KSR1: variants seen among roughly 807,000 people sequenced by gnomAD.
KSR1 encodes the protein kinase suppressor of ras.
KSR1 carries 35 observed loss-of-function variants against 92.9 expected under a neutral mutation model. That is an observed-to-expected ratio of 0.38 (90% CI 0.29 to 0.50). The LOEUF is 0.50. KSR1 is among the 20% of genes least tolerant of loss of function. The pLI, the probability that KSR1 is intolerant of heterozygous loss-of-function variation, is 0.94. For missense variants in KSR1, 972 were observed against 1,158.5 expected (o/e 0.84, Z 2.34); for synonymous variants, 467 against 472.6 (o/e 0.99, Z 0.15).
At chr17:27,488,294 T>C (rs1396896373) in intron 1 of KSR1, among the ~76,000 whole-genome samples, 1 of 152,248 alleles carries the variant, frequency 6.6e-6, no homozygotes, top group Non-Finnish European at 1.5e-5. Context: ...ACAATCCTTT[T>C]ACTGAAGTGA....
At chr17:27,617,218 CT>C in intron 18 of KSR1, 76 bp from the exon 19 acceptor site, 1 of 1,461,794 alleles carries the variant, frequency 6.8e-7, no homozygotes, top group Non-Finnish European at 9.1e-7. Flanking sequence ...CAAAGGGACC[CT>C]TTGTGGAGCA....
At chr17:27,529,899 T>A (rs1039523554) in intron 1 of KSR1, among the ~76,000 whole-genome samples, 8 of 152,192 alleles carry the variant, frequency 5.3e-5, no homozygotes, top group African/African-American at 1.7e-4. Flanking sequence ...ACTTGATATC[T>A]TTGGCCCCCA....
intron 1 of KSR1, among the ~76,000 whole-genome samples, chr17:27,544,310 G>A (rs1223552308): frequency 1.3e-5 from 2 of 152,196 alleles, no homozygotes; most frequent in Non-Finnish European, 2.9e-5. Flanking sequence ...CTTGTTCCAA[G>A]CACTTTGTAT....
At chr17:27,568,913 C>T (rs2072194334) in intron 2 of KSR1, among the ~76,000 whole-genome samples, 1 of 152,204 alleles carries the variant, frequency 6.6e-6, no homozygotes, top group African/African-American at 2.4e-5. Context: ...CTGCACATAG[C>T]CCTATTTTGT....
intron 14 of KSR1, among the ~76,000 whole-genome samples, chr17:27,606,270 C>A (rs2073749254): frequency 6.6e-6 from 1 of 152,146 alleles, no homozygotes; most frequent in African/African-American, 2.4e-5. Flanking sequence ...CAGAGTGAGA[C>A]CTTTCTAAGT....
rs752155691 is a variant in KSR1 at position 27,605,668 on chromosome 17, C to T, written c.1849C>T (p.Arg617Cys). ...RGRWHGEVAI[R>C]LLEMDGHNQD... ...CCGCTGGCATGGCGAGGTGGCCATTCGCCTGCTGGAGATGGACGGCCACAA... is the reference window on the plus strand; with the variant it reads ...CCGCTGGCATGGCGAGGTGGCCATTTGCCTGCTGGAGATGGACGGCCACAA... Residue 617 changes from arginine to cysteine, a missense_variant, in exon 14 of 21, where the codon CGC (arginine) becomes TGC (cysteine). Around this residue, in one of 5 missense-constraint regions of KSR1, gnomAD observed 260 missense variants for 375.2 expected, o/e 0.69. Coordinates refer to ENST00000644974, the MANE Select transcript of KSR1 (RefSeq NM_001394583.1). The T allele has an allele frequency of 1.2e-5, 20 of 1,612,296 alleles. No homozygotes were observed. The highest frequency in any genetic ancestry group is 2.2e-5 in the East Asian group (1 of 44,882).
chr17:27,461,802 T>G (rs1373124506), intron 1 of KSR1, among the ~76,000 whole-genome samples: 1 of 134,516 alleles, frequency 7.4e-6, no homozygotes, highest in African/African-American at 2.6e-5. Context: ...TTTCCTCTTC[T>G]TGGAGTGGTC....
intron 1 of KSR1, among the ~76,000 whole-genome samples, chr17:27,476,204 G>T (rs2068338878): frequency 6.6e-6 from 1 of 152,218 alleles, no homozygotes; most frequent in African/African-American, 2.4e-5. Flanking sequence ...CCCCTTCTCA[G>T]CGCTCAAGGA....
intron 1 of KSR1, among the ~76,000 whole-genome samples, chr17:27,487,902 G>A (rs914354974): frequency 1.3e-5 from 2 of 152,122 alleles, no homozygotes; most frequent in East Asian, 1.9e-4. Context: ...CACCCATGAC[G>A]GTGGGGACAG....
rs186697966 is a variant in KSR1 at position 27,583,336 on chromosome 17, G to T, written c.980+231G>T. Among the ~76,000 whole-genome samples, 37 of 152,356 alleles carry T rather than the reference G, an allele frequency of 2.4e-4. No individual in the cohort carries two copies. The East Asian group carries it at 7.1e-3, about 29-fold the overall frequency. On this transcript the variant is annotated intron_variant, in intron 4 of 20. Transcript: ENST00000644974. Reference sequence around the variant, plus strand: ...ATGCACATGACGTGATGCCACGTATGGGTCAGGGTAGGCCAGGTTACACAG... The same window carrying T: ...ATGCACATGACGTGATGCCACGTATTGGTCAGGGTAGGCCAGGTTACACAG...
At chr17:27,609,402 T>G in intron 16 of KSR1, 73 bp downstream of exon 16, 1 of 1,578,036 alleles carries the variant, frequency 6.3e-7, no homozygotes, top group Non-Finnish European at 8.7e-7. Flanking sequence ...GTCTGGGCAC[T>G]TTCACTGTTT....
chr17:27,569,850 A>G (rs563194821), intron 2 of KSR1, among the ~76,000 whole-genome samples: 2 of 152,240 alleles, frequency 1.3e-5, no homozygotes, highest in South Asian at 4.1e-4. Flanking sequence ...TATGTATTAT[A>G]CCTCTGGATT....
At chr17:27,583,706 GT>G (rs1381618881) in intron 4 of KSR1, among the ~76,000 whole-genome samples, 3 of 152,232 alleles carry the variant, frequency 2.0e-5, no homozygotes, top group Non-Finnish European at 4.4e-5. Flanking sequence ...CCCATGACTT[GT>G]TTTTTCAACT....
At chr17:27,588,421 G>A (rs994156754) in intron 5 of KSR1, 54 bp from the exon 6 acceptor site, 6 of 1,506,892 alleles carry the variant, frequency 4.0e-6, no homozygotes, top group East Asian at 2.5e-5. Context: ...TCATGGGCAC[G>A]AGCTGTCGCC....
At chr17:27,530,698 A>G (rs1385068385) in intron 1 of KSR1, among the ~76,000 whole-genome samples, 1 of 152,222 alleles carries the variant, frequency 6.6e-6, no homozygotes, top group Non-Finnish European at 1.5e-5. Context: ...AACATTTGGA[A>G]AACACAGAAA....
At chr17:27,506,814 A>G (rs2069403223) in intron 1 of KSR1, among the ~76,000 whole-genome samples, 1 of 151,992 alleles carries the variant, frequency 6.6e-6, no homozygotes, top group African/African-American at 2.4e-5. Context: ...AGGAAGACCG[A>G]GGGGAAAGCT....
intron 1 of KSR1, among the ~76,000 whole-genome samples, chr17:27,478,052 A>G (rs544564229): frequency 6.6e-5 from 10 of 152,304 alleles, no homozygotes; most frequent in African/African-American, 2.4e-4. Flanking sequence ...AAAGCCCTCT[A>G]GCTTCAAAGG....
intron 2 of KSR1, among the ~76,000 whole-genome samples, chr17:27,568,940 T>C (rs919507037): frequency 1.1e-4 from 16 of 152,228 alleles, no homozygotes; most frequent in African/African-American, 3.9e-4. Flanking sequence ...CGGGACTTTC[T>C]CATTTGCCAG....
intron 10 of KSR1, among the ~76,000 whole-genome samples, chr17:27,600,090 CTTTTTTTTTT>C (rs552526373): frequency 3.5e-5 from 4 of 115,304 alleles, no homozygotes; most frequent in African/African-American, 1.3e-4. Flanking sequence ...TTACAGATAA[CTTTTTTTTTT>C]TTTTTTTTTT....
Sources: gnomAD v4.1 joint callset for allele counts (sites outside exome capture counted in the v4.1 genomes callset) on GRCh38, gnomAD v4.1.1 for gene constraint, gnomAD v4.1.1 regional missense constraint, MANE v1.5 for transcripts, NCBI Gene and HGNC (gene_info 2026-07-23, HGNC 2026-07-21) for gene names.